GABRG3: variants seen among roughly 807,000 people sequenced by gnomAD.
GABRG3 encodes gamma-aminobutyric acid receptor subunit gamma-3.
A neutral mutation model predicts 48.8 loss-of-function variants in GABRG3; 25 were observed. That is an observed-to-expected ratio of 0.51 (90% CI 0.37 to 0.72). The LOEUF is 0.72. Ranked by LOEUF, GABRG3 falls within the 30% of genes least tolerant of loss-of-function variation. The pLI, the probability that GABRG3 is intolerant of heterozygous loss-of-function variation, is 0.00. For synonymous variants in GABRG3, 227 were observed against 217.6 expected (o/e 1.04, Z -0.38); for missense variants, 394 against 577.9 (o/e 0.68, Z 3.26).
At chr15:26,998,508 C>T (rs1283370210) in intron 2 of GABRG3, among the ~76,000 whole-genome samples, 1 of 152,150 alleles carries the variant, frequency 6.6e-6, no homozygotes, top group African/African-American at 2.4e-5. Flanking sequence ...TTCTTTCTGG[C>T]ATGGAACCCC....
At chr15:27,164,174 A>G (rs1319964551) in intron 3 of GABRG3, among the ~76,000 whole-genome samples, 1 of 152,136 alleles carries the variant, frequency 6.6e-6, no homozygotes, top group Non-Finnish European at 1.5e-5. Context: ...CTCTTCACCT[A>G]GATTAATTGT....
chr15:27,134,195 G>A (rs1897967894), intron 3 of GABRG3, among the ~76,000 whole-genome samples: 2 of 152,170 alleles, frequency 1.3e-5, no homozygotes, highest in Non-Finnish European at 2.9e-5. Context: ...CCTTGGCTGT[G>A]AACATGATTG....
intron 6 of GABRG3, among the ~76,000 whole-genome samples, chr15:27,488,244 G>A (rs374675110): frequency 4.2e-4 from 64 of 152,106 alleles, no homozygotes; most frequent in Non-Finnish European, 7.5e-4. Flanking sequence ...CCGCTCCCAC[G>A]TCCCTCAAAG....
At chr15:27,112,177 C>T (rs188311663) in intron 3 of GABRG3, among the ~76,000 whole-genome samples, 242 of 152,178 alleles carry the variant, frequency 1.6e-3, no homozygotes, top group African/African-American at 5.6e-3. Context: ...GGATTCTGCT[C>T]CAAGCAAGCA....
chr15:26,981,124 C>A (rs1895045666), intron 2 of GABRG3, among the ~76,000 whole-genome samples: 1 of 152,126 alleles, frequency 6.6e-6, no homozygotes. Context: ...ACTTTCATCC[C>A]AACAAGGACA....
chr15:27,139,122 G>A (rs899632699), intron 3 of GABRG3, among the ~76,000 whole-genome samples: 22 of 152,278 alleles, frequency 1.4e-4, no homozygotes, highest in African/African-American at 5.1e-4. Flanking sequence ...AGGCTGAAAA[G>A]TCCCATGATG....
chr15:27,070,161 C>A (rs1896804271), intron 3 of GABRG3, among the ~76,000 whole-genome samples: 1 of 152,268 alleles, frequency 6.6e-6, no homozygotes, highest in Admixed American at 6.5e-5. Flanking sequence ...CCACTTATGT[C>A]ATCTTGTCTG....
At chr15:27,388,098 G>A (rs575976435) in intron 5 of GABRG3, among the ~76,000 whole-genome samples, 1 of 51,494 alleles carries the variant, frequency 1.9e-5, no homozygotes, top group South Asian at 7.7e-4. Flanking sequence ...AGGGAGGAAA[G>A]GGAGGGAGGG....
At chr15:27,153,071 C>G (rs1159835709) in intron 3 of GABRG3, among the ~76,000 whole-genome samples, 1 of 152,018 alleles carries the variant, frequency 6.6e-6, no homozygotes, top group Non-Finnish European at 1.5e-5. Context: ...AGAGTTAGAC[C>G]AGGATGGTCT....
chr15:27,066,562 C>T (rs1468813457), intron 3 of GABRG3, among the ~76,000 whole-genome samples: 1 of 152,022 alleles, frequency 6.6e-6, no homozygotes, highest in Non-Finnish European at 1.5e-5. Context: ...AAAAGTAGAC[C>T]TCAGGCCACC....
chr15:27,308,899 G>A (rs900930615), intron 3 of GABRG3, among the ~76,000 whole-genome samples: 1 of 149,928 alleles, frequency 6.7e-6, no homozygotes, highest in Non-Finnish European at 1.5e-5. Flanking sequence ...ATGTTTATAT[G>A]AAAACAGAAT....
intron 6 of GABRG3, among the ~76,000 whole-genome samples, chr15:27,515,119 C>T (rs1360963160): frequency 1.3e-5 from 2 of 151,502 alleles, no homozygotes; most frequent in South Asian, 2.1e-4. Context: ...GTTTTGCTCT[C>T]GTTGCCCAGG....
chr15:27,470,284 C>T (rs933576302), intron 5 of GABRG3, among the ~76,000 whole-genome samples: 3 of 150,250 alleles, frequency 2.0e-5, no homozygotes, highest in Non-Finnish European at 3.0e-5. Flanking sequence ...TCTGTAATGG[C>T]GCGATCTTAG....
chr15:27,388,165 A>G (rs1420316576), intron 5 of GABRG3, among the ~76,000 whole-genome samples: 2 of 82,766 alleles, frequency 2.4e-5, no homozygotes, highest in South Asian at 5.7e-4. Context: ...GAAGAAAGGA[A>G]GGAAGGAAGG....
chr15:27,293,684 A>C (rs1056548481), intron 3 of GABRG3, among the ~76,000 whole-genome samples: 1 of 151,716 alleles, frequency 6.6e-6, no homozygotes, highest in Non-Finnish European at 1.5e-5. Flanking sequence ...TCTCAAAAAA[A>C]ACAAACAAAA....
intron 3 of GABRG3, among the ~76,000 whole-genome samples, chr15:27,065,066 C>T (rs549725544): frequency 3.9e-5 from 6 of 152,282 alleles, no homozygotes; most frequent in Admixed American, 3.3e-4. Flanking sequence ...CTCCTGCACC[C>T]TCTCTTTGAG....
intron 5 of GABRG3, among the ~76,000 whole-genome samples, chr15:27,474,466 A>T (rs552079071): frequency 6.6e-6 from 1 of 152,150 alleles, no homozygotes; most frequent in African/African-American, 2.4e-5. Context: ...GTCTTTTCTA[A>T]TGATTCAAAA....
rs183185862 is a variant in GABRG3 at position 27,097,483 on chromosome 15, T to C, written c.270+70662T>C. ...TCTCCTTCCCTCCTTCCCTCCCTCC[T>C]TTACTTCCTTTGTTTTTCTCTTTCT... On this transcript the variant is annotated intron_variant, in intron 3 of 9. Transcript: ENST00000615808. 1.3e-3 allele frequency among the ~76,000 whole-genome samples: 192 copies of C among 152,222 alleles called. 1 individual carries two copies. Among genetic ancestry groups the C allele is most frequent in the African/African-American group, 4.4e-3 (182 of 41,548 alleles).
intron 3 of GABRG3, among the ~76,000 whole-genome samples, chr15:27,150,054 CG>C (rs1206297041): frequency 6.6e-6 from 1 of 152,166 alleles, no homozygotes; most frequent in Non-Finnish European, 1.5e-5. Flanking sequence ...CCTGAGATAA[CG>C]TTAGAAACTC....
Sources: allele counts gnomAD v4.1 joint callset (sites outside exome capture counted in the v4.1 genomes callset), GRCh38; gene constraint gnomAD v4.1.1; transcripts MANE v1.5; gene names NCBI Gene and HGNC (gene_info 2026-07-23, HGNC 2026-07-21).